Variants in EGLN1 observed in about 807,000 individuals in gnomAD.
EGLN1 encodes egl-9 family hypoxia inducible factor 1.
A neutral mutation model predicts 38.3 loss-of-function variants in EGLN1; 17 were observed. That is an observed-to-expected ratio of 0.44 (90% CI 0.30 to 0.67). EGLN1 has a LOEUF of 0.67. EGLN1 is among the 30% of genes least tolerant of loss of function. The pLI, the probability that EGLN1 is intolerant of heterozygous loss-of-function variation, is 0.08. For missense variants in EGLN1, 477 were observed against 603.3 expected, an observed-to-expected ratio of 0.79 and a Z score of 2.19; for synonymous variants, 283 against 257.5, an observed-to-expected ratio of 1.10 and a Z score of -0.95.
chr1:231,386,745 G>C (rs1688219141), intron 1 of EGLN1, among the ~76,000 whole-genome samples: 1 of 152,190 alleles, frequency 6.6e-6, no homozygotes, highest in African/African-American at 2.4e-5. Context: ...AGAGATGATA[G>C]ATTAGACAGA....
In EGLN1 at chr1:231,421,202, C is replaced by T. The variant is rs1449992779; in HGVS notation, c.687G>A (p.Leu229=). Residue 229 remains leucine (L), a synonymous_variant, in exon 1 of 5, where the codon CTG becomes CTA. Coordinates refer to ENST00000366641, the MANE Select transcript of EGLN1 (RefSeq NM_022051.3). The surrounding 1 kb of genome is among the most constrained non-coding windows in gnomAD (Gnocchi z 5.5). ...GQQIGDEVRA[L]HDTGKFTDGQ... is the part of the protein sequence containing the mutation. ...CGTCCGTGAACTTCCCGGTGTCGTG[C>T]AGGGCGCGCACCTCGTCGCCGATCT... 19 of 1,614,118 alleles carry T rather than the reference C, an allele frequency of 1.2e-5. No homozygotes were observed. The highest frequency in any genetic ancestry group is 2.2e-5 in the East Asian group (1 of 44,860).
intron 3 of EGLN1, among the ~76,000 whole-genome samples, 179 bp downstream of exon 3, chr1:231,370,383 T>C (rs1687785110): frequency 6.6e-6 from 1 of 152,224 alleles, no homozygotes; most frequent in African/African-American, 2.4e-5. Context: ...ATGAGTCTTA[T>C]ATAATTATTT....
Position 231,366,241 on chromosome 1 carries a change from T to C in EGLN1, c.*170A>G. On this transcript the variant is annotated 3_prime_UTR_variant, in exon 5 of 5. Coordinates refer to ENST00000366641, the MANE Select transcript of EGLN1 (RefSeq NM_022051.3). ...TTGAAGTTGATCATGCAGTACAAAG[T>C]CACAGCAGTCAAAATCTTCTGTTTG... The C allele has an allele frequency of 1.5e-6, 1 of 688,958 alleles. No individual in the cohort carries two copies. The highest frequency in any genetic ancestry group is 1.7e-5 in the South Asian group (1 of 57,282). The allele number at this position is 688,958 out of a possible 1,614,324, so 42.7% of individuals were successfully genotyped here.
Position 231,364,834 on chromosome 1 carries a change from T to C in EGLN1, c.*1577A>G, listed in dbSNP as rs1028080565. On this transcript the variant is annotated 3_prime_UTR_variant, in exon 5 of 5. Coordinates refer to ENST00000366641, the MANE Select transcript of EGLN1 (RefSeq NM_022051.3). Reference sequence around the variant, plus strand: ...TCTTACACCCATAATTCACGCAAAATATGGATACCACCCTTTAGGTTTTGC... The same window carrying C: ...TCTTACACCCATAATTCACGCAAAACATGGATACCACCCTTTAGGTTTTGC... 1 of 152,108 alleles carries C rather than the reference T, an allele frequency of 6.6e-6. No homozygotes were observed. The highest frequency in any genetic ancestry group is 1.5e-5 in the Non-Finnish European group (1 of 68,020). The allele number at this position is 152,108 out of a possible 1,614,324, so 9.4% of individuals were successfully genotyped here.
At chr1:231,370,765 A>G in intron 2 of EGLN1, 67 bp from the exon 3 acceptor site, 1 of 1,545,190 alleles carries the variant, frequency 6.5e-7, no homozygotes, top group Admixed American at 1.7e-5. Context: ...TTTAGGGGGA[A>G]AAAAAGAGAC....
chr1:231,367,921 C>T (rs1349431286), intron 3 of EGLN1, among the ~76,000 whole-genome samples: 4 of 152,160 alleles, frequency 2.6e-5, no homozygotes, highest in Non-Finnish European at 4.4e-5. Flanking sequence ...CAGTGGCTCA[C>T]GCCTGTAATC....
At chr1:231,369,920 T>C (rs1687772408) in intron 3 of EGLN1, among the ~76,000 whole-genome samples, 1 of 152,214 alleles carries the variant, frequency 6.6e-6, no homozygotes, top group South Asian at 2.1e-4. Flanking sequence ...AGCATTTTAA[T>C]TGAGTCAGGA....
At chr1:231,404,974 A>G (rs1001325830) in intron 1 of EGLN1, among the ~76,000 whole-genome samples, 1 of 152,136 alleles carries the variant, frequency 6.6e-6, no homozygotes, top group Non-Finnish European at 1.5e-5. Flanking sequence ...CAACTGCCTA[A>G]GCAACAATAG....
intron 3 of EGLN1, among the ~76,000 whole-genome samples, chr1:231,369,393 G>A (rs1042541864): frequency 7.2e-5 from 11 of 152,118 alleles, no homozygotes; most frequent in Non-Finnish European, 1.5e-4. Flanking sequence ...CCAAACTCAG[G>A]ATTTCATAAA....
At chr1:231,415,328 T>C (rs1558082662) in intron 1 of EGLN1, among the ~76,000 whole-genome samples, 1 of 150,930 alleles carries the variant, frequency 6.6e-6, no homozygotes, top group East Asian at 1.9e-4. Flanking sequence ...GAAATATGTA[T>C]AAAGTTACAG....
At position 231,421,402 on chromosome 1, in the gene EGLN1, A is replaced by C. The variant is rs1656592359; in HGVS notation, c.487T>G (p.Tyr163Asp). The C allele has an allele frequency of 1.2e-6, 2 of 1,600,040 alleles. No individual in the cohort carries two copies. Among genetic ancestry groups the C allele is most frequent in the Non-Finnish European group, 1.7e-6 (2 of 1,171,638 alleles). The change falls in exon 1 of 5, where the codon TAC (tyrosine) becomes GAC (aspartate). Residue 163 changes from tyrosine to aspartate, a missense_variant. Tyr to Asp is a radical substitution (Grantham distance 160). Coordinates refer to ENST00000366641, the MANE Select transcript of EGLN1 (RefSeq NM_022051.3). This position sits in a 1 kb window ranked among gnomAD's most constrained non-coding sequence, Gnocchi z 5.5. ...TCCCCGGGCGTGTTGCTTGGGGGGT[A>C]CAGGTTCGCCTTCTCCTGGAACAGC... ...SSLFQEKANL[Y>D]PPSNTPGDAL...
chr1:231,412,195 C>T (rs992350142), intron 1 of EGLN1, among the ~76,000 whole-genome samples: 2 of 152,086 alleles, frequency 1.3e-5, no homozygotes, highest in Non-Finnish European at 2.9e-5. Context: ...CCAATACAGT[C>T]CCTAAGCTAT....
At chr1:231,371,430 A>G (rs1687819339) in intron 2 of EGLN1, among the ~76,000 whole-genome samples, 1 of 152,218 alleles carries the variant, frequency 6.6e-6, no homozygotes, top group Non-Finnish European at 1.5e-5. Flanking sequence ...TAGGATAGTC[A>G]CAAATACCTC....
chr1:231,396,644 C>T (rs1572037972), intron 1 of EGLN1, among the ~76,000 whole-genome samples: 2 of 152,142 alleles, frequency 1.3e-5, no homozygotes, highest in South Asian at 4.1e-4. Flanking sequence ...CCCAGTAAGT[C>T]GAGGTTGCTC....
Position 231,421,365 on chromosome 1 carries a change from G to A in EGLN1, c.524C>T (p.Pro175Leu), listed in dbSNP as rs759117988. 6.2e-7 allele frequency: 1 copy of A among 1,609,416 alleles called. No individual in the cohort carries two copies. Among genetic ancestry groups the A allele is most frequent in the African/African-American group, 1.3e-5 (1 of 74,814 alleles). ...CCCGTTGGGCCGCAGGCCGCCGCCGGGGCTCAGCGCATCCCCGGGCGTGTT... is the reference window on the plus strand; with the variant it reads ...CCCGTTGGGCCGCAGGCCGCCGCCGAGGCTCAGCGCATCCCCGGGCGTGTT... The part of the protein sequence containing the change: ...PSNTPGDALS[P>L]GGGLRPNGQT... Residue 175 changes from proline (P) to leucine (L), a missense_variant, in exon 1 of 5, where the codon CCC becomes CTC. By Grantham distance (98) the Pro-to-Leu change is moderately conservative. Coordinates refer to ENST00000366641, the MANE Select transcript of EGLN1 (RefSeq NM_022051.3). The surrounding 1 kb of genome is among the most constrained non-coding windows in gnomAD (Gnocchi z 5.5).
intron 1 of EGLN1, among the ~76,000 whole-genome samples, chr1:231,412,403 GA>G (rs1347875935): frequency 6.6e-6 from 1 of 152,174 alleles, no homozygotes; most frequent in Non-Finnish European, 1.5e-5. Flanking sequence ...TTTTGACATT[GA>G]ATCTAAATCT....
At chr1:231,413,313 T>C (rs1689000109) in intron 1 of EGLN1, among the ~76,000 whole-genome samples, 2 of 152,142 alleles carry the variant, frequency 1.3e-5, no homozygotes, top group Non-Finnish European at 2.9e-5. Context: ...TGACCTCAAG[T>C]GATCCGCCCA....
At chr1:231,383,455 CTT>C (rs1455590602) in intron 1 of EGLN1, among the ~76,000 whole-genome samples, 1 of 152,158 alleles carries the variant, frequency 6.6e-6, no homozygotes, top group Non-Finnish European at 1.5e-5. Context: ...ACATAATTAA[CTT>C]TGTCACGGGA....
At chr1:231,413,157 G>C (rs2790866) in intron 1 of EGLN1, among the ~76,000 whole-genome samples, 22,886 of 151,718 alleles carry the variant, frequency 0.15, 2,088 homozygotes, top group African/African-American at 0.25. Flanking sequence ...CTCACTGCAA[G>C]CTCCACCTCC....
Sources: allele counts gnomAD v4.1 joint callset (sites outside exome capture counted in the v4.1 genomes callset), GRCh38; gene constraint gnomAD v4.1.1; non-coding constraint Gnocchi (gnomAD v3.1); transcripts MANE v1.5; gene names NCBI Gene and HGNC (gene_info 2026-07-23, HGNC 2026-07-21).